Variants in SIK2 observed in about 807,000 individuals in gnomAD.
SIK2 encodes the protein salt inducible kinase 2, also known as serine/threonine-protein kinase SIK2.
SIK2 carries 29 observed loss-of-function variants against 103.2 expected under a neutral mutation model. That is an observed-to-expected ratio of 0.28 (90% CI 0.21 to 0.38). The LOEUF (loss-of-function observed/expected upper bound fraction) is 0.38. Among genes scored for constraint, SIK2 ranks in the 10% least tolerant of loss-of-function variants. The pLI is 1.00. For missense variants in SIK2, 879 were observed against 1,171.0 expected, an observed-to-expected ratio of 0.75 and a Z score of 3.64; for synonymous variants, 412 against 446.1, an observed-to-expected ratio of 0.92 and a Z score of 0.96.
chr11:111,621,639 C>G (rs1467100384), intron 3 of SIK2, among the ~76,000 whole-genome samples: 1 of 152,108 alleles, frequency 6.6e-6, no homozygotes, highest in Non-Finnish European at 1.5e-5. Context: ...CTTGGCTGGG[C>G]ACAGTGGCTC....
intron 3 of SIK2, among the ~76,000 whole-genome samples, chr11:111,640,584 G>A (rs995264092): frequency 2.0e-4 from 31 of 152,024 alleles, no homozygotes; most frequent in Middle Eastern, 3.4e-3. Flanking sequence ...ATAATGACTG[G>A]GTTTCCTGTC....
chr11:111,712,156 A>G, intron 8 of SIK2, 55 bp from the exon 9 acceptor site: 1 of 1,504,118 alleles, frequency 6.6e-7, no homozygotes, highest in East Asian at 2.3e-5. Context: ...AACTTTGTGT[A>G]TTTATAGAGA....
chr11:111,683,474 CAG>C (rs1254753146), intron 3 of SIK2: 2 of 151,734 alleles, frequency 1.3e-5, no homozygotes, highest in South Asian at 4.2e-4. Flanking sequence ...ATTTTTGAGA[CAG>C]AGTCTTGCTC....
intron 3 of SIK2, among the ~76,000 whole-genome samples, chr11:111,641,114 T>C (rs565963856): frequency 6.6e-6 from 1 of 152,290 alleles, no homozygotes; most frequent in South Asian, 2.1e-4. Flanking sequence ...TTCTCTTTTT[T>C]TCTTGGAAAT....
At chr11:111,608,941 T>A (rs984056831) in intron 1 of SIK2, among the ~76,000 whole-genome samples, 2 of 152,218 alleles carry the variant, frequency 1.3e-5, no homozygotes, top group Non-Finnish European at 2.9e-5. Context: ...GCAGGAATAT[T>A]ATTTTCTAAA....
In SIK2 at chr11:111,720,651, C is replaced by T. The variant is rs764862542; in HGVS notation, c.1669C>T (p.Pro557Ser). The T allele has an allele frequency of 6.2e-7, 1 of 1,614,084 alleles. No homozygotes were observed. The highest frequency in any genetic ancestry group is 8.5e-7 in the Non-Finnish European group (1 of 1,180,022). The change falls in exon 11 of 15, where the codon CCT (proline) becomes TCT (serine). Residue 557 changes from proline to serine, a missense_variant. Around this residue, in one of 7 missense-constraint regions of SIK2, gnomAD observed 222 missense variants for 258.0 expected, o/e 0.86. Transcript: ENST00000304987. ...RMTSPFISLR[P>S]TNPAMQALSS... is the part of the protein sequence containing the mutation. ...GACATCTCCCTTCATAAGCCTGAGA[C>T]CTACCAACCCAGCCATGCAGGCTCT...
chr11:111,661,197 A>T (rs1942463033), intron 3 of SIK2, among the ~76,000 whole-genome samples: 1 of 152,182 alleles, frequency 6.6e-6, no homozygotes, highest in African/African-American at 2.4e-5. Flanking sequence ...TATGCATCAC[A>T]AGGAATATAC....
At position 111,727,239 on chromosome 11, in the gene SIK2, G is replaced by A. The variant is rs749463266; in HGVS notation, c.*3110G>A. On this transcript the variant is annotated 3_prime_UTR_variant, in exon 15 of 15. Coordinates refer to ENST00000304987, the MANE Select transcript of SIK2 (RefSeq NM_015191.3). The stretch of plus-strand genomic sequence containing the variant: ...ACCTTGAGAATCCCTGCGTGGGAGA[G>A]CATCAGGGCCCACCAGGGGAGTGGG... The A allele has an allele frequency of 8.1e-6, 5 of 613,574 alleles. No individual in the cohort carries two copies. Among genetic ancestry groups the A allele is most frequent in the Non-Finnish European group, 1.5e-5 (5 of 344,650 alleles). 38.0% of individuals were successfully genotyped at this position (613,574 alleles called of 1,614,324 possible). A position where few individuals can be genotyped will look rare whatever the true frequency, so the allele number is the denominator to read the frequency against.
In SIK2 at chr11:111,724,318, A is replaced by G. The variant is rs1943901671; in HGVS notation, c.*189A>G. 5.0e-6 allele frequency: 4 copies of G among 805,614 alleles called. No individual in the cohort carries two copies. The highest frequency in any genetic ancestry group is 6.0e-5 in the Admixed American group (2 of 33,544). The allele number at this position is 805,614 out of a possible 1,614,324, so 49.9% of individuals were successfully genotyped here. ...TCCTCCTGGTTCTGCCCCACCACAA[A>G]GTTTTCTGTGGCAAGTGCTGGAACA... On this transcript the variant is annotated 3_prime_UTR_variant, in exon 15 of 15. Transcript: ENST00000304987.
chr11:111,671,589 C>A, intron 3 of SIK2: 1 of 332,440 alleles, frequency 3.0e-6, no homozygotes, highest in East Asian at 8.1e-5. Context: ...TGTCCTCATA[C>A]TGGGCACAGA....
chr11:111,725,739 T>C lies in SIK2; in HGVS notation c.*1610T>C, dbSNP rs1273235163. The C allele has an allele frequency of 6.6e-6, 1 of 152,636 alleles. No homozygotes were observed. The highest frequency in any genetic ancestry group is 1.5e-5 in the Non-Finnish European group (1 of 68,036). 9.5% of individuals were successfully genotyped at this position (152,636 alleles called of 1,614,324 possible). Reference sequence around the variant, plus strand: ...TCAGGCAGGTGACGTGTGGAAAGTCTAGGGGGTTCCATTCTGGCCATGCGA... The same window carrying C: ...TCAGGCAGGTGACGTGTGGAAAGTCCAGGGGGTTCCATTCTGGCCATGCGA... On this transcript the variant is annotated 3_prime_UTR_variant, in exon 15 of 15. Transcript: ENST00000304987.
chr11:111,637,956 G>T (rs975212363), intron 3 of SIK2, among the ~76,000 whole-genome samples: 1 of 152,064 alleles, frequency 6.6e-6, no homozygotes, highest in African/African-American at 2.4e-5. Flanking sequence ...TGATTACTAC[G>T]TATATTTGTT....
rs548573919 is a variant in SIK2, at chr11:111,621,565, C to T, written c.316+1163C>T. 1.3e-4 allele frequency among the ~76,000 whole-genome samples: 20 copies of T among 152,170 alleles called. No homozygotes were observed. In the South Asian group the frequency reaches 3.9e-3, roughly 30 times the overall value. Reference sequence around the variant, plus strand: ...TTATACATAAGTTACTATGTACATTCGTATACAAGTCTACACAGTCTACCT... The same window carrying T: ...TTATACATAAGTTACTATGTACATTTGTATACAAGTCTACACAGTCTACCT... On this transcript the variant is annotated intron_variant, in intron 3 of 14. Transcript: ENST00000304987.
intron 3 of SIK2, among the ~76,000 whole-genome samples, chr11:111,686,106 G>A (rs535644602): frequency 6.6e-6 from 1 of 152,138 alleles, no homozygotes; most frequent in African/African-American, 2.4e-5. Context: ...ATATGAACAT[G>A]CTTTGTAAAG....
intron 3 of SIK2, among the ~76,000 whole-genome samples, chr11:111,677,739 A>C (rs1037984927): frequency 6.6e-6 from 1 of 151,914 alleles, no homozygotes; most frequent in Non-Finnish European, 1.5e-5. Flanking sequence ...TAAAGTTTTT[A>C]TTATTTAATC....
intron 3 of SIK2, among the ~76,000 whole-genome samples, chr11:111,644,160 G>T (rs1197578557): frequency 6.6e-6 from 1 of 151,454 alleles, no homozygotes; most frequent in Non-Finnish European, 1.5e-5. Context: ...ATGGTGACTT[G>T]TGCCAGTAGT....
intron 1 of SIK2, among the ~76,000 whole-genome samples, chr11:111,608,081 C>T (rs1259313914): frequency 1.3e-5 from 2 of 152,114 alleles, no homozygotes; most frequent in African/African-American, 4.8e-5. Flanking sequence ...CTTTAATGTA[C>T]CTAGTACCTC....
At chr11:111,603,012 T>A (rs564329887) in intron 1 of SIK2, among the ~76,000 whole-genome samples, 131 of 144,336 alleles carry the variant, frequency 9.1e-4, no homozygotes, top group African/African-American at 3.0e-3. Flanking sequence ...GGCCGTGACC[T>A]GGTCTGTGGC....
At position 111,705,211 on chromosome 11, in the gene SIK2, A is replaced by G. The variant is rs180705186; in HGVS notation, c.1101+72A>G. On this transcript the variant is annotated intron_variant, in intron 8 of 14. Transcript: ENST00000304987. This position sits in a 1 kb window ranked among gnomAD's most constrained non-coding sequence, Gnocchi z 4.3. The stretch of plus-strand genomic sequence containing the variant: ...ACATGTTTGATACATTTTTCATCTT[A>G]TACACAGGGTTAGGATTTCATCCTC... 7.0e-7 allele frequency: 1 copy of G among 1,419,112 alleles called. No individual in the cohort carries two copies. The highest frequency in any genetic ancestry group is 9.2e-7 in the Non-Finnish European group (1 of 1,085,158). 87.9% of individuals were successfully genotyped at this position (1,419,112 alleles called of 1,614,324 possible). A position where few individuals can be genotyped will look rare whatever the true frequency, so the allele number is the denominator to read the frequency against.
Sources: gnomAD v4.1 joint callset for allele counts (sites outside exome capture counted in the v4.1 genomes callset) on GRCh38, gnomAD v4.1.1 for gene constraint, gnomAD v4.1.1 regional missense constraint, Gnocchi (gnomAD v3.1) non-coding constraint, MANE v1.5 for transcripts, NCBI Gene and HGNC (gene_info 2026-07-23, HGNC 2026-07-21) for gene names.